EXT2: variants seen among roughly 807,000 people sequenced by gnomAD.
EXT2 encodes exostosin glycosyltransferase 2.
In EXT2, 53 loss-of-function variants were observed where a neutral mutation model predicts 81.6. The observed-to-expected ratio is 0.65, with a 90% confidence interval of 0.52 to 0.82. The LOEUF (loss-of-function observed/expected upper bound fraction) is 0.82, where lower values mean the gene tolerates loss of function less well. EXT2 is among the 40% of genes least tolerant of loss of function. EXT2 has a pLI of 0.00. For missense variants in EXT2, 774 were observed against 910.2 expected, an observed-to-expected ratio of 0.85 and a Z score of 1.93; for synonymous variants, 320 against 340.0, an observed-to-expected ratio of 0.94 and a Z score of 0.65.
chr11:44,237,352 C>G (rs1309752233), intron 13 of EXT2, among the ~76,000 whole-genome samples: 2 of 152,056 alleles, frequency 1.3e-5, no homozygotes, highest in Admixed American at 1.3e-4. Flanking sequence ...ACTTCTTTAT[C>G]TTTTTCATGT....
rs564179470 is a variant in EXT2, at chr11:44,130,499, A to G, written c.1173+361A>G. Among the ~76,000 whole-genome samples the G allele has an allele frequency of 4.6e-5, 7 of 152,368 alleles. No homozygotes were observed. In the South Asian group the frequency reaches 1.5e-3, roughly 32 times the overall value. ...CAATACTTCTGTGTAGCTATTGACC[A>G]TGATACTATTGCTGCACAAACTAGC... is the stretch of plus-strand genomic sequence containing the variant. On this transcript the variant is annotated intron_variant, in intron 7 of 13. Transcript: ENST00000533608.
chr11:44,186,299 A>G (rs1310493278), intron 8 of EXT2, among the ~76,000 whole-genome samples: 1 of 152,226 alleles, frequency 6.6e-6, no homozygotes, highest in Non-Finnish European at 1.5e-5. Flanking sequence ...TAACTCATGA[A>G]TTATTAAAAG....
At chr11:44,139,894 C>G (rs1332573831) in intron 7 of EXT2, among the ~76,000 whole-genome samples, 8 of 152,220 alleles carry the variant, frequency 5.3e-5, no homozygotes, top group Admixed American at 3.9e-4. Context: ...GGAGCTCAGG[C>G]AGGCGTGTGA....
At position 44,246,330 on chromosome 11, in the gene EXT2, T is replaced by C. The variant is rs1262986198; in HGVS notation, c.*2043T>C. On this transcript the variant is annotated 3_prime_UTR_variant, in exon 14 of 14. Coordinates refer to ENST00000533608, the MANE Select transcript of EXT2 (RefSeq NM_207122.2). ...CCCTTTTGCTCATCATCGAATGCAC[T>C]ACCTTAGTGGCTGGTTTCTAATGCA... Among the ~76,000 whole-genome samples, 1 of 152,226 alleles carries C rather than the reference T, an allele frequency of 6.6e-6. No homozygotes were observed. Among genetic ancestry groups the C allele is most frequent in the East Asian group, 1.9e-4 (1 of 5,198 alleles).
chr11:44,145,295 A>G (rs188620064), intron 7 of EXT2, among the ~76,000 whole-genome samples: 1 of 152,194 alleles, frequency 6.6e-6, no homozygotes, highest in South Asian at 2.1e-4. Flanking sequence ...TGCCTTTAGC[A>G]TAGAAAAGGA....
intron 7 of EXT2, among the ~76,000 whole-genome samples, chr11:44,130,557 C>T (rs967507493): frequency 3.3e-5 from 5 of 152,166 alleles, no homozygotes; most frequent in African/African-American, 9.7e-5. Context: ...CTTTGTAATT[C>T]GGGAATCCTT....
At position 44,247,940 on chromosome 11, in the gene EXT2, C is replaced by G. The variant is rs1478707459; in HGVS notation, c.*3653C>G. ...TCCAAGAACCTTTGATAGTTTTCAG[C>G]CAAGATAGTAATCAGAAAGTAGATG... is the stretch of plus-strand genomic sequence containing the variant. On this transcript the variant is annotated 3_prime_UTR_variant, in exon 14 of 14. Coordinates refer to ENST00000533608, the MANE Select transcript of EXT2 (RefSeq NM_207122.2). Among the ~76,000 whole-genome samples the G allele has an allele frequency of 6.6e-6, 1 of 152,164 alleles. No individual in the cohort carries two copies. Among genetic ancestry groups the G allele is most frequent in the Non-Finnish European group, 1.5e-5 (1 of 68,018 alleles).
intron 10 of EXT2, among the ~76,000 whole-genome samples, chr11:44,213,978 GA>G (rs1212130689): frequency 1.3e-5 from 2 of 152,032 alleles, no homozygotes; most frequent in Non-Finnish European, 2.9e-5. Flanking sequence ...ATAGTAATTA[GA>G]AAAGAGGAAA....
chr11:44,232,841 G>A (rs1955915135), intron 11 of EXT2, among the ~76,000 whole-genome samples: 1 of 152,128 alleles, frequency 6.6e-6, no homozygotes, highest in Non-Finnish European at 1.5e-5. Flanking sequence ...TTCATGGATT[G>A]TATTGTGAGC....
intron 6 of EXT2, among the ~76,000 whole-genome samples, chr11:44,129,021 C>A (rs1230178600): frequency 6.6e-6 from 1 of 152,162 alleles, no homozygotes; most frequent in Non-Finnish European, 1.5e-5. Flanking sequence ...ACAAACTCTG[C>A]CAAATGTCGT....
At chr11:44,214,779 T>C (rs1451471529) in intron 10 of EXT2, among the ~76,000 whole-genome samples, 1 of 151,192 alleles carries the variant, frequency 6.6e-6, no homozygotes, top group Non-Finnish European at 1.5e-5. Context: ...AGACAGAGGG[T>C]CTCACTCTGT....
chr11:44,244,296 A>G lies in EXT2; in HGVS notation c.*9A>G, dbSNP rs1333272014. On this transcript the variant is annotated 3_prime_UTR_variant, in exon 14 of 14. Transcript: ENST00000533608. The stretch of plus-strand genomic sequence containing the variant: ...ACATTGGCAGCTTATGAAACGTGTC[A>G]TTGGTGGAGGTCTGAATGTGAGGCT... The G allele has an allele frequency of 1.9e-6, 3 of 1,613,996 alleles. No individual in the cohort carries two copies. Among genetic ancestry groups the G allele is most frequent in the Non-Finnish European group, 2.5e-6 (3 of 1,179,918 alleles).
chr11:44,184,675 C>T (rs1249795493), intron 8 of EXT2, among the ~76,000 whole-genome samples: 3 of 152,074 alleles, frequency 2.0e-5, no homozygotes, highest in South Asian at 2.1e-4. Flanking sequence ...GGCATGAACC[C>T]GGGAGGTGGA....
intron 7 of EXT2, among the ~76,000 whole-genome samples, chr11:44,136,500 G>A (rs1381178794): frequency 6.6e-6 from 1 of 152,156 alleles, no homozygotes; most frequent in Non-Finnish European, 1.5e-5. Context: ...TTCAAGCTAA[G>A]TGCTTATTGA....
At chr11:44,234,463 C>A (rs1955937618) in intron 12 of EXT2, among the ~76,000 whole-genome samples, 2 of 152,066 alleles carry the variant, frequency 1.3e-5, no homozygotes, top group Non-Finnish European at 2.9e-5. Flanking sequence ...TCTTTAGTTG[C>A]AGTTTTTAAC....
intron 9 of EXT2, 158 bp downstream of exon 9, chr11:44,198,176 G>A: frequency 1.3e-6 from 1 of 790,784 alleles, no homozygotes. Flanking sequence ...CTTGTTCTAG[G>A]GTGGCCCATT....
At position 44,169,552 on chromosome 11, in the gene EXT2, A is replaced by G. The variant is rs1272001520; in HGVS notation, c.1174-2059A>G. Among the ~76,000 whole-genome samples, 4 of 152,210 alleles carry G rather than the reference A, an allele frequency of 2.6e-5. No homozygotes were observed. The South Asian group carries it at 8.3e-4, about 31-fold the overall frequency. On this transcript the variant is annotated intron_variant, in intron 7 of 13. Coordinates refer to ENST00000533608, the MANE Select transcript of EXT2 (RefSeq NM_207122.2). The stretch of plus-strand genomic sequence containing the variant: ...AAGAAGAGATAAATAGGAAACAAAT[A>G]GAATAATCATACATTTACTCAGCCT...
chr11:44,098,647 A>G (rs1953934935), intron 1 of EXT2, among the ~76,000 whole-genome samples: 2 of 148,936 alleles, frequency 1.3e-5, no homozygotes, highest in South Asian at 2.2e-4. Flanking sequence ...GTGAGCCGAG[A>G]TGACACCACT....
chr11:44,156,988 G>A (rs1954864063), intron 7 of EXT2, among the ~76,000 whole-genome samples: 1 of 152,222 alleles, frequency 6.6e-6, no homozygotes, highest in South Asian at 2.1e-4. Flanking sequence ...ACTCACGAAG[G>A]TACAGCCTTG....
Sources: gnomAD v4.1 joint callset for allele counts (sites outside exome capture counted in the v4.1 genomes callset) on GRCh38, gnomAD v4.1.1 for gene constraint, MANE v1.5 for transcripts, NCBI Gene and HGNC (gene_info 2026-07-23, HGNC 2026-07-21) for gene names.